Variants in GOT2 observed in about 807,000 individuals in gnomAD.
The protein encoded by GOT2 is glutamic-oxaloacetic transaminase 2.
In GOT2, 17 loss-of-function variants were observed where a neutral mutation model predicts 50.0. The ratio of observed to expected loss-of-function variants is 0.34; its 90% confidence interval spans 0.23 to 0.51. The LOEUF is 0.51. GOT2 is among the 20% of genes least tolerant of loss of function. The pLI, the probability that GOT2 is intolerant of heterozygous loss-of-function variation, is 0.97. For synonymous variants in GOT2, 172 were observed against 204.9 expected (o/e 0.84, Z 1.37); for missense variants, 430 against 559.6 (o/e 0.77, Z 2.34).
intron 8 of GOT2, among the ~76,000 whole-genome samples, chr16:58,711,319 G>A (rs575980225): frequency 8.5e-5 from 13 of 152,150 alleles, no homozygotes; most frequent in Non-Finnish European, 1.9e-4. Flanking sequence ...GACTGGAGAA[G>A]GTAGTCCTCT....
intron 3 of GOT2, among the ~76,000 whole-genome samples, chr16:58,719,923 C>T (rs117173540): frequency 2.6e-5 from 4 of 151,580 alleles, no homozygotes; most frequent in East Asian, 2.0e-4. Flanking sequence ...GTTTTCTGGC[C>T]GGGCGCAGTG....
intron 8 of GOT2, among the ~76,000 whole-genome samples, chr16:58,714,496 G>A (rs936245091): frequency 7.3e-5 from 11 of 150,930 alleles, no homozygotes; most frequent in Admixed American, 2.6e-4. Flanking sequence ...AGCTTGCAGT[G>A]AGCCGAGATC....
intron 8 of GOT2, among the ~76,000 whole-genome samples, chr16:58,715,477 A>C (rs941798384): frequency 3.3e-5 from 5 of 152,164 alleles, no homozygotes; most frequent in Non-Finnish European, 1.5e-5. Flanking sequence ...ACAAAGTTAC[A>C]GTGAGTTAGG....
In GOT2 at chr16:58,734,160, G is replaced by C; in HGVS notation, c.69C>G (p.Ala23=). 7.5e-7 allele frequency: 1 copy of C among 1,333,056 alleles called. No individual in the cohort carries two copies. Among genetic ancestry groups the C allele is most frequent in the Non-Finnish European group, 9.6e-7 (1 of 1,036,366 alleles). 82.6% of individuals were successfully genotyped at this position (1,333,056 alleles called of 1,614,324 possible). A position where few individuals can be genotyped will look rare whatever the true frequency, so the allele number is the denominator to read the frequency against. Residue 23 remains alanine (A), a synonymous_variant, in exon 1 of 10, where the codon GCC becomes GCG. Transcript: ENST00000245206. ...IAAAFHPGLA[A]AASARASSWW... ...CTTACCTGGCTCTGGCAGAGGCCGC[G>C]GCGGCGAGGCCCGGGTGGAAGGCGG...
chr16:58,722,222 T>C lies in GOT2; in HGVS notation c.303A>G (p.Gly101=), dbSNP rs919486555. 5 of 1,612,818 alleles carry C rather than the reference T, an allele frequency of 3.1e-6. No individual in the cohort carries two copies. In the African/African-American group the frequency reaches 6.7e-5, roughly 22 times the overall value. Residue 101 remains glycine, a synonymous_variant, in exon 3 of 10, where the codon GGA becomes GGG. Coordinates refer to ENST00000245206, the MANE Select transcript of GOT2 (RefSeq NM_002080.4). ...NLDKEYLPIG[G]LAEFCKASAE... ...CAGATGCCTTGCAAAATTCAGCCAG[T>C]CCCCCAATGGGCAGGTATTCCTTGT...
At chr16:58,714,688 G>A (rs910834106) in intron 8 of GOT2, among the ~76,000 whole-genome samples, 2 of 152,004 alleles carry the variant, frequency 1.3e-5, no homozygotes, top group African/African-American at 4.8e-5. Flanking sequence ...TCTAGCCTGG[G>A]TGACACAGCA....
At chr16:58,726,272 G>A (rs746004019) in intron 1 of GOT2, among the ~76,000 whole-genome samples, 3 of 151,842 alleles carry the variant, frequency 2.0e-5, no homozygotes, top group South Asian at 2.1e-4. Flanking sequence ...TGCAACATCC[G>A]CCTCCCGGGT....
intron 6 of GOT2, among the ~76,000 whole-genome samples, chr16:58,717,467 T>C (rs1304385583): frequency 6.6e-6 from 1 of 152,104 alleles, no homozygotes; most frequent in African/African-American, 2.4e-5. Flanking sequence ...AGGAATAACA[T>C]TTTCCTCCCT....
intron 3 of GOT2, 55 bp from the exon 4 acceptor site, chr16:58,719,310 G>T: frequency 2.4e-6 from 3 of 1,234,024 alleles, no homozygotes; most frequent in South Asian, 2.4e-5. Flanking sequence ...TACAGGCCCA[G>T]ACCCAGGGCC....
In GOT2 at chr16:58,718,598, G is replaced by C; in HGVS notation, c.526C>G (p.Leu176Val). 1.2e-6 allele frequency: 2 copies of C among 1,611,790 alleles called. No individual in the cohort carries two copies. The highest frequency in any genetic ancestry group is 2.2e-5 in the South Asian group (2 of 90,792). Residue 176 changes from leucine (L) to valine (V), a missense_variant, in exon 5 of 10, where the codon CTA becomes GTA. By Grantham distance (32) the Leu-to-Val change is conservative (BLOSUM62 1). Coordinates refer to ENST00000245206, the MANE Select transcript of GOT2 (RefSeq NM_002080.4). ...TPIFRDAGMQ[L>V]QGYRYYDPKT... Reference sequence around the variant, plus strand: ...GGGTCATAATACCGATAACCTTGTAGCTGCATGCCAGCATCCCTGAAGATG... The same window carrying C: ...GGGTCATAATACCGATAACCTTGTACCTGCATGCCAGCATCCCTGAAGATG...
Position 58,718,186 on chromosome 16 carries a change from T to A in GOT2, c.702+10A>T, listed in dbSNP as rs376729149. The A allele has an allele frequency of 6.3e-7, 1 of 1,580,502 alleles. No homozygotes were observed. Among genetic ancestry groups the A allele is most frequent in the South Asian group, 1.1e-5 (1 of 90,430 alleles). ...CACAGAACTGTCGCCAGTGAGTTCA[T>A]CGTCCTCACCTTCACCACTGTTGCT... is the stretch of plus-strand genomic sequence containing the variant. On this transcript the variant is annotated intron_variant, in intron 6 of 9. Coordinates refer to ENST00000245206, the MANE Select transcript of GOT2 (RefSeq NM_002080.4).
chr16:58,723,921 T>C lies in GOT2; in HGVS notation c.90-19A>G, dbSNP rs756094948. ...CCAGGAGCTGAAATGAGAAACACAT[T>C]AGCTCAATCCCATTAGCTAGATCCA... On this transcript the variant is annotated intron_variant, in intron 1 of 9. Coordinates refer to ENST00000245206, the MANE Select transcript of GOT2 (RefSeq NM_002080.4). 6.2e-7 allele frequency: 1 copy of C among 1,607,544 alleles called. No individual in the cohort carries two copies. Among genetic ancestry groups the C allele is most frequent in the South Asian group, 1.1e-5 (1 of 90,780 alleles).
chr16:58,708,642 A>T (rs926611739), intron 9 of GOT2, among the ~76,000 whole-genome samples: 2 of 151,204 alleles, frequency 1.3e-5, no homozygotes, highest in African/African-American at 4.9e-5. Flanking sequence ...AAAAAAAGCT[A>T]CTTTAAAGTA....
chr16:58,709,080 G>A (rs555566238), intron 9 of GOT2: 65 of 179,482 alleles, frequency 3.6e-4, no homozygotes, highest in Middle Eastern at 2.7e-3. Context: ...CGGGCAACAT[G>A]GCGAAACTAT....
intron 9 of GOT2, 113 bp from the exon 10 acceptor site, chr16:58,708,406 TC>T: frequency 9.8e-7 from 1 of 1,023,234 alleles, no homozygotes; most frequent in Non-Finnish European, 1.4e-6. Context: ...TAAAACCTGT[TC>T]CCAGAATTTG....
chr16:58,726,494 T>TATTTATTC (rs1360598659), intron 1 of GOT2, among the ~76,000 whole-genome samples: 87 of 150,748 alleles, frequency 5.8e-4, no homozygotes, highest in African/African-American at 2.1e-3. Context: ...TTTATTTATT[T>TATTTATTC]ATTTATTTAT....
At chr16:58,720,313 T>A (rs1382776864) in intron 3 of GOT2, among the ~76,000 whole-genome samples, 1 of 152,214 alleles carries the variant, frequency 6.6e-6, no homozygotes, top group Non-Finnish European at 1.5e-5. Context: ...TGAATCTCCT[T>A]ATTCAAATTG....
At chr16:58,726,334 T>C (rs1371273308) in intron 1 of GOT2, among the ~76,000 whole-genome samples, 1 of 152,060 alleles carries the variant, frequency 6.6e-6, no homozygotes, top group East Asian at 1.9e-4. Flanking sequence ...TACAAACTCC[T>C]GCCACCATGC....
At chr16:58,728,419 G>A (rs902926975) in intron 1 of GOT2, among the ~76,000 whole-genome samples, 2 of 152,152 alleles carry the variant, frequency 1.3e-5, no homozygotes, top group African/African-American at 4.8e-5. Context: ...TTGGCAGAGT[G>A]CCTGATGTTC....
Sources: allele counts gnomAD v4.1 joint callset (sites outside exome capture counted in the v4.1 genomes callset), GRCh38; gene constraint gnomAD v4.1.1; transcripts MANE v1.5; gene names NCBI Gene and HGNC (gene_info 2026-07-23, HGNC 2026-07-21).